The following TBX20 variants were observed in gnomAD, a reference collection of about 807,000 sequenced individuals.
The protein encoded by TBX20 is T-box transcription factor TBX20.
A neutral mutation model predicts 42.9 loss-of-function variants in TBX20; 8 were observed. The observed-to-expected ratio is 0.19, with a 90% confidence interval of 0.11 to 0.34. The LOEUF is 0.34. Ranked by LOEUF, TBX20 falls within the 10% of genes least tolerant of loss-of-function variation. The probability of loss-of-function intolerance (pLI) is 1.00; values close to 1 mark genes in which losing one functional copy is unlikely to be tolerated. For synonymous variants in TBX20, 198 were observed against 222.8 expected, an observed-to-expected ratio of 0.89 and a Z score of 0.99; for missense variants, 411 against 566.0, an observed-to-expected ratio of 0.73 and a Z score of 2.78.
At chr7:35,204,711 G>T in intron 6 of TBX20, 129 bp from the exon 7 acceptor site, 2 of 709,740 alleles carry the variant, frequency 2.8e-6, no homozygotes, top group Non-Finnish European at 5.1e-6. Flanking sequence ...TGCACAGAAA[G>T]ATGAAATTCA....
intron 6 of TBX20, among the ~76,000 whole-genome samples, chr7:35,229,389 G>C (rs1409540516): frequency 3.3e-5 from 5 of 151,978 alleles, no homozygotes; most frequent in African/African-American, 1.2e-4. Flanking sequence ...GATCTGATTT[G>C]TCCCATCCCC....
At chr7:35,252,291 T>C (rs1790319320) in intron 1 of TBX20, among the ~76,000 whole-genome samples, 1 of 152,202 alleles carries the variant, frequency 6.6e-6, no homozygotes, top group South Asian at 2.1e-4. Context: ...TTTTGTTTGA[T>C]TGATTGTCTC....
intron 6 of TBX20, among the ~76,000 whole-genome samples, chr7:35,210,692 T>C (rs1465196655): frequency 6.6e-6 from 1 of 152,204 alleles, no homozygotes; most frequent in Non-Finnish European, 1.5e-5. Flanking sequence ...CTCTGAAATC[T>C]ACTTTGATAT....
rs757583083 is a variant in TBX20, at chr7:35,227,502, C to A, written c.890+4002G>T. Among the ~76,000 whole-genome samples, 5 of 152,188 alleles carry A rather than the reference C, an allele frequency of 3.3e-5. No homozygotes were observed. The South Asian group carries it at 1.0e-3, about 32-fold the overall frequency. On this transcript the variant is annotated intron_variant, in intron 6 of 7. Transcript: ENST00000408931. ...TAATGTTTAGGTACATAAATACCTA[C>A]CCTTGCATTACAATTGCTTACAGTA...
intron 5 of TBX20, among the ~76,000 whole-genome samples, chr7:35,239,017 C>T (rs1414519243): frequency 6.6e-6 from 1 of 152,232 alleles, no homozygotes; most frequent in African/African-American, 2.4e-5. Flanking sequence ...ACACACACAA[C>T]TACATTTGAT....
At position 35,202,443 on chromosome 7, in the gene TBX20, G is replaced by A. The variant is rs201217462; in HGVS notation, c.1331C>T (p.Thr444Met). 1.2e-4 allele frequency: 184 copies of A among 1,559,766 alleles called. No homozygotes were observed. Among genetic ancestry groups the A allele is most frequent in the Non-Finnish European group, 1.1e-4 (122 of 1,147,550 alleles). ...QGLRHSSAVM[T>M]PFV is the part of the protein sequence containing the mutation. ...TTTTTAGAAGAGTCATACAAATGGC[G>A]TCATCACAGCAGAGGAATGGCGTAG... is the stretch of plus-strand genomic sequence containing the variant. Residue 444 changes from threonine (T) to methionine (M), a missense_variant, in exon 8 of 8, where the codon ACG becomes ATG. Around this residue, in one of 5 missense-constraint regions of TBX20, gnomAD observed 162 missense variants for 205.4 expected, o/e 0.79. Transcript: ENST00000408931.
At chr7:35,233,703 T>G (rs1238086082) in intron 5 of TBX20, among the ~76,000 whole-genome samples, 1 of 152,226 alleles carries the variant, frequency 6.6e-6, no homozygotes, top group African/African-American at 2.4e-5. Context: ...ATTACAAATA[T>G]CAACAAGATT....
intron 3 of TBX20, 78 bp downstream of exon 3, chr7:35,248,599 C>T (rs1031119466): frequency 1.1e-5 from 17 of 1,524,404 alleles, no homozygotes; most frequent in Middle Eastern, 2.1e-4. Context: ...AATACACTTG[C>T]TTAAAATTCA....
chr7:35,250,651 C>T (rs867963233), intron 1 of TBX20, among the ~76,000 whole-genome samples: 12 of 152,196 alleles, frequency 7.9e-5, no homozygotes, highest in African/African-American at 2.4e-4. Context: ...AAGAGATCAG[C>T]ACCTTCCTCA....
intron 5 of TBX20, 151 bp downstream of exon 5, chr7:35,240,728 A>C: frequency 1.4e-6 from 1 of 694,874 alleles, no homozygotes; most frequent in African/African-American, 1.9e-5. Flanking sequence ...CACTCAACAC[A>C]CTCTTAGAGT....
intron 5 of TBX20, among the ~76,000 whole-genome samples, chr7:35,234,075 G>A (rs554513374): frequency 1.3e-5 from 2 of 152,270 alleles, no homozygotes; most frequent in South Asian, 4.2e-4. Context: ...AAAGTAAACA[G>A]GCTTGCCAAT....
chr7:35,250,500 G>GTGAT (rs1048502348), intron 1 of TBX20, among the ~76,000 whole-genome samples: 5 of 152,214 alleles, frequency 3.3e-5, no homozygotes, highest in Non-Finnish European at 7.3e-5. Context: ...GAAGGGAAGG[G>GTGAT]TGATGATCAT....
intron 1 of TBX20, among the ~76,000 whole-genome samples, chr7:35,252,504 T>C (rs986803676): frequency 3.3e-5 from 5 of 152,170 alleles, no homozygotes; most frequent in Non-Finnish European, 5.9e-5. Context: ...TTTTGATCTC[T>C]AACACTTCCT....
chr7:35,204,446 C>T (rs1362753122), intron 7 of TBX20, 24 bp downstream of exon 7: 1 of 1,553,378 alleles, frequency 6.4e-7, no homozygotes, highest in Admixed American at 1.7e-5. Context: ...CCCAGCAATT[C>T]CATGGCCTTG....
intron 5 of TBX20, among the ~76,000 whole-genome samples, chr7:35,232,999 G>A (rs756126720): frequency 3.9e-4 from 59 of 152,156 alleles, no homozygotes; most frequent in African/African-American, 5.8e-4. Context: ...CAGCCTGGGC[G>A]ACAAGAGCGA....
Position 35,214,894 on chromosome 7 carries a change from C to T in TBX20, c.891-10312G>A, listed in dbSNP as rs1789555844. 2.0e-5 allele frequency among the ~76,000 whole-genome samples: 3 copies of T among 152,156 alleles called. No individual in the cohort carries two copies. The South Asian group carries it at 6.2e-4, about 31-fold the overall frequency. On this transcript the variant is annotated intron_variant, in intron 6 of 7. Coordinates refer to ENST00000408931, the MANE Select transcript of TBX20 (RefSeq NM_001077653.2). Reference sequence around the variant, plus strand: ...TTTTTGTACATTTATAAAGGATTTGCTGTCCATGGGCCCAAATTCTGGATG... The same window carrying T: ...TTTTTGTACATTTATAAAGGATTTGTTGTCCATGGGCCCAAATTCTGGATG...
intron 2 of TBX20, 120 bp from the exon 3 acceptor site, chr7:35,248,961 C>A (rs1790252009): frequency 2.5e-6 from 3 of 1,178,466 alleles, no homozygotes; most frequent in South Asian, 2.6e-5. Flanking sequence ...CCTCTCTATC[C>A]GGTCCACAAA....
intron 6 of TBX20, among the ~76,000 whole-genome samples, chr7:35,219,545 G>A (rs1356486093): frequency 1.3e-5 from 2 of 152,198 alleles, no homozygotes; most frequent in Non-Finnish European, 1.5e-5. Context: ...GCCAACCCCT[G>A]CTTTAGGCTA....
chr7:35,237,047 C>T (rs1789980165), intron 5 of TBX20, among the ~76,000 whole-genome samples: 1 of 146,908 alleles, frequency 6.8e-6, no homozygotes, highest in South Asian at 2.2e-4. Context: ...TGGTCACTTC[C>T]TTGGCCTTGC....
Sources: allele counts gnomAD v4.1 joint callset (sites outside exome capture counted in the v4.1 genomes callset), GRCh38; gene constraint gnomAD v4.1.1; regional missense constraint gnomAD v4.1.1; transcripts MANE v1.5; gene names NCBI Gene and HGNC (gene_info 2026-07-23, HGNC 2026-07-21).